The following GRIN2A variants were observed in gnomAD, a reference collection of about 807,000 sequenced individuals.
The protein encoded by GRIN2A is glutamate ionotropic receptor NMDA type subunit 2A.
In GRIN2A, 22 loss-of-function variants were observed where a neutral mutation model predicts 113.4. That is an observed-to-expected ratio of 0.19 (90% CI 0.14 to 0.28). The LOEUF (loss-of-function observed/expected upper bound fraction) is 0.28. Ranked by LOEUF, GRIN2A falls within the 10% of genes least tolerant of loss-of-function variation. The pLI, the probability that GRIN2A is intolerant of heterozygous loss-of-function variation, is 1.00. For missense variants in GRIN2A, 1,502 were observed against 1,887.0 expected, an observed-to-expected ratio of 0.80 and a Z score of 3.78; for synonymous variants, 827 against 738.4, an observed-to-expected ratio of 1.12 and a Z score of -1.94.
rs371290264 is a variant in GRIN2A, at chr16:9,757,744, T to C, written c.*5405A>G. ...AGGTTTTAAACAATATCCCTGTTGA[T>C]TTTTCCTAAGGAGACGGTCTCTGAG... On this transcript the variant is annotated 3_prime_UTR_variant, in exon 13 of 13. Transcript: ENST00000330684. 1 of 217,124 alleles carries C rather than the reference T, an allele frequency of 4.6e-6. No homozygotes were observed. Among genetic ancestry groups the C allele is most frequent in the Non-Finnish European group, 9.3e-6 (1 of 107,784 alleles). 13.4% of individuals were successfully genotyped at this position (217,124 alleles called of 1,614,324 possible).
rs1222305391 is a variant in GRIN2A, at chr16:9,764,363, T to C, written c.3181A>G (p.Ile1061Val). ...YLPEEMAHSDISETSNRATCH... is the reference protein window; with the variant it reads ...YLPEEMAHSDVSETSNRATCH... ...GTGGCCCGATTTGACGTTTCTGAAATGTCAGAGTGGGCCATCTCTTCTGGA... is the reference window on the plus strand; with the variant it reads ...GTGGCCCGATTTGACGTTTCTGAAACGTCAGAGTGGGCCATCTCTTCTGGA... The change falls in exon 13 of 13, where the codon ATT becomes GTT. Residue 1061 changes from isoleucine to valine, a missense_variant. By Grantham distance (29) the Ile-to-Val change is conservative. Transcript: ENST00000330684. 6.2e-7 allele frequency: 1 copy of C among 1,614,174 alleles called. No homozygotes were observed. Among genetic ancestry groups the C allele is most frequent in the Non-Finnish European group, 8.5e-7 (1 of 1,179,990 alleles).
intron 2 of GRIN2A, among the ~76,000 whole-genome samples, chr16:9,974,587 G>C (rs572643318): frequency 6.6e-6 from 1 of 152,142 alleles, no homozygotes; most frequent in East Asian, 1.9e-4. Flanking sequence ...GCTCGCGGCC[G>C]AATAAACCTC....
intron 2 of GRIN2A, among the ~76,000 whole-genome samples, chr16:9,963,254 A>C (rs574901946): frequency 1.3e-5 from 2 of 152,080 alleles, no homozygotes; most frequent in South Asian, 4.2e-4. Flanking sequence ...ATGTACCCTA[A>C]AACTTAAAGT....
intron 2 of GRIN2A, among the ~76,000 whole-genome samples, chr16:9,940,123 A>G (rs936264843): frequency 6.6e-6 from 1 of 151,912 alleles, no homozygotes; most frequent in African/African-American, 2.4e-5. Context: ...TCAGAACAAT[A>G]CTTTGTAGCT....
chr16:9,859,609 T>TACACACACACACACACAC (rs55697606), intron 4 of GRIN2A, among the ~76,000 whole-genome samples: 1 of 141,142 alleles, frequency 7.1e-6, no homozygotes, highest in Non-Finnish European at 1.6e-5. Context: ...CTCGAACCTC[T>TACACACACACACACACAC]ACACACACAC....
chr16:9,973,003 G>A (rs772536219), intron 2 of GRIN2A, among the ~76,000 whole-genome samples: 9 of 152,180 alleles, frequency 5.9e-5, no homozygotes, highest in Non-Finnish European at 8.8e-5. Context: ...ATCACAGGGC[G>A]TTAAAATTGT....
chr16:10,083,578 C>T (rs1221809670), intron 2 of GRIN2A, among the ~76,000 whole-genome samples: 2 of 152,234 alleles, frequency 1.3e-5, no homozygotes, highest in Non-Finnish European at 2.9e-5. Flanking sequence ...CTGTCTGCAT[C>T]CTGGACTGAA....
At chr16:10,171,605 G>A (rs765195970) in intron 2 of GRIN2A, 6 of 152,306 alleles carry the variant, frequency 3.9e-5, no homozygotes, top group South Asian at 4.1e-4. Context: ...CTCCACTTCT[G>A]ACAGTTCTGT....
intron 2 of GRIN2A, among the ~76,000 whole-genome samples, chr16:10,029,557 T>C (rs537714657): frequency 4.2e-4 from 64 of 152,190 alleles, no homozygotes; most frequent in Non-Finnish European, 7.9e-4. Flanking sequence ...CAGTAAACAG[T>C]AAAACATAAT....
In GRIN2A at chr16:9,760,374, A is replaced by ATTTTTTGTTTTT. The variant is rs1900528769; in HGVS notation, c.*2774_*2775insAAAAACAAAAAA. On this transcript the variant is annotated 3_prime_UTR_variant, in exon 13 of 13. Transcript: ENST00000330684. ...AAATTGACCATCTGATCAGTAGTTG[A>ATTTTTTGTTTTT]TTTTTTTTTTTTTTTTTTTTTTTTG... 1.1e-5 allele frequency: 1 copy of ATTTTTTGTTTTT among 89,550 alleles called. No homozygotes were observed. Among genetic ancestry groups the ATTTTTTGTTTTT allele is most frequent in the Non-Finnish European group, 1.9e-5 (1 of 51,648 alleles). 5.5% of individuals were successfully genotyped at this position (89,550 alleles called of 1,614,324 possible).
At position 10,112,464 on chromosome 16, in the gene GRIN2A, G is replaced by C. The variant is rs574205820; in HGVS notation, c.414+67534C>G. ...TCAGCACTTTGGTGTGTCCATCATA[G>C]CCGATGTGGCATCCAGACCGTGGGG... On this transcript the variant is annotated intron_variant, in intron 2 of 12. Transcript: ENST00000330684. 3.9e-5 allele frequency: 33 copies of C among 852,494 alleles called. No individual in the cohort carries two copies. The South Asian group carries it at 4.3e-4, about 11-fold the overall frequency. The allele number at this position is 852,494 out of a possible 1,614,324, so 52.8% of individuals were successfully genotyped here.
chr16:10,099,376 A>G (rs542115066), intron 2 of GRIN2A, among the ~76,000 whole-genome samples: 1 of 152,376 alleles, frequency 6.6e-6, no homozygotes, highest in Admixed American at 6.5e-5. Context: ...AAATCACCAG[A>G]GCTCAGAATT....
chr16:10,173,568 C>G (rs1432144692), intron 2 of GRIN2A, among the ~76,000 whole-genome samples: 2 of 152,218 alleles, frequency 1.3e-5, no homozygotes, highest in Non-Finnish European at 2.9e-5. Context: ...CATCCGGAAG[C>G]TCCAACAAGC....
intron 3 of GRIN2A, among the ~76,000 whole-genome samples, chr16:9,924,573 A>G (rs2044420706): frequency 6.6e-6 from 1 of 152,148 alleles, no homozygotes; most frequent in Non-Finnish European, 1.5e-5. Context: ...AAGTTTTTTG[A>G]ACTGAGGGTT....
chr16:10,125,297 T>A (rs1045328261), intron 2 of GRIN2A, among the ~76,000 whole-genome samples: 1 of 152,158 alleles, frequency 6.6e-6, no homozygotes, highest in Non-Finnish European at 1.5e-5. Context: ...TTTTTCAAAC[T>A]TTTTGCATTT....
chr16:10,082,653 C>G (rs896206836), intron 2 of GRIN2A, among the ~76,000 whole-genome samples: 1 of 152,170 alleles, frequency 6.6e-6, no homozygotes, highest in Non-Finnish European at 1.5e-5. Flanking sequence ...GAGCCCTCCT[C>G]CACTCTCCAT....
At chr16:10,139,766 C>T (rs548245201) in intron 2 of GRIN2A, among the ~76,000 whole-genome samples, 1 of 152,196 alleles carries the variant, frequency 6.6e-6, no homozygotes, top group Non-Finnish European at 1.5e-5. Context: ...GTTTAGGAAA[C>T]ACTGATTTGG....
intron 2 of GRIN2A, among the ~76,000 whole-genome samples, chr16:10,155,361 A>G (rs979895081): frequency 1.7e-4 from 26 of 152,168 alleles, no homozygotes; most frequent in Non-Finnish European, 2.4e-4. Context: ...AGCACCAGTA[A>G]TCAACATCTG....
intron 2 of GRIN2A, among the ~76,000 whole-genome samples, chr16:10,153,162 G>A (rs971350903): frequency 2.0e-5 from 3 of 152,184 alleles, no homozygotes; most frequent in Admixed American, 6.5e-5. Context: ...GTACTATTCT[G>A]GTGGGGTATG....
Sources: allele counts gnomAD v4.1 joint callset (sites outside exome capture counted in the v4.1 genomes callset), GRCh38; gene constraint gnomAD v4.1.1; transcripts MANE v1.5; gene names NCBI Gene and HGNC (gene_info 2026-07-23, HGNC 2026-07-21).